Variants in HIVEP3 observed in about 807,000 individuals in gnomAD.
HIVEP3 encodes the protein transcription factor HIVEP3.
In HIVEP3, 49 loss-of-function variants were observed where a neutral mutation model predicts 152.8. The observed-to-expected ratio is 0.32, with a 90% confidence interval of 0.26 to 0.41. The LOEUF (loss-of-function observed/expected upper bound fraction) is 0.41, where lower values mean the gene tolerates loss of function less well. Among genes scored for constraint, HIVEP3 ranks in the 10% least tolerant of loss-of-function variants. The probability of loss-of-function intolerance (pLI) is 1.00; values close to 1 mark genes in which losing one functional copy is unlikely to be tolerated. For synonymous variants in HIVEP3, 1,269 were observed against 1,289.0 expected, an observed-to-expected ratio of 0.98 and a Z score of 0.33; for missense variants, 2,790 against 3,103.3, an observed-to-expected ratio of 0.90 and a Z score of 2.40.
At chr1:41,685,617 C>A (rs1646102616) in intron 2 of HIVEP3, among the ~76,000 whole-genome samples, 1 of 152,242 alleles carries the variant, frequency 6.6e-6, no homozygotes, top group Non-Finnish European at 1.5e-5. Context: ...CTCATGAACC[C>A]AGGTCCCCAC....
At chr1:41,661,628 G>A (rs1014638699) in intron 2 of HIVEP3, among the ~76,000 whole-genome samples, 1 of 152,232 alleles carries the variant, frequency 6.6e-6, no homozygotes, top group African/African-American at 2.4e-5. Flanking sequence ...GCCCCGAGGA[G>A]CCCCAGGCTG....
At chr1:41,527,354 T>C (rs1403577470) in intron 5 of HIVEP3, among the ~76,000 whole-genome samples, 5 of 49,928 alleles carry the variant, frequency 1.0e-4, no homozygotes, top group South Asian at 1.3e-3. Flanking sequence ...CACACTCACC[T>C]TCACACTCCA....
intron 2 of HIVEP3, among the ~76,000 whole-genome samples, chr1:41,660,787 C>T (rs1645700148): frequency 6.6e-6 from 1 of 152,182 alleles, no homozygotes; most frequent in Non-Finnish European, 1.5e-5. Context: ...TTTCATTTGC[C>T]AGTATGGATT....
rs745467295 is a variant in HIVEP3, at chr1:41,581,000, G to C, written c.3798C>G (p.Ala1266=). The change falls in exon 4 of 9, where the codon GCC becomes GCG. Residue 1266 remains alanine, a synonymous_variant. Coordinates refer to ENST00000372583, the MANE Select transcript of HIVEP3 (RefSeq NM_024503.5). ...GGCCAGCACTTCCTGTTGCCAGTGG[G>C]GCCAGGCTGGTTTTGATCTGGGGCA... The part of the protein sequence containing the change: ...SHLPQIKTSL[A]PLATGSAGLS... 5.7e-6 allele frequency: 9 copies of C among 1,570,464 alleles called. No individual in the cohort carries two copies. The highest frequency in any genetic ancestry group is 1.7e-4 in the Middle Eastern group (1 of 5,836).
chr1:41,591,719 A>G (rs1644590922), intron 3 of HIVEP3, among the ~76,000 whole-genome samples: 1 of 152,048 alleles, frequency 6.6e-6, no homozygotes, highest in African/African-American at 2.4e-5. Flanking sequence ...AGTGAGGACC[A>G]TGGCAGAGCG....
At chr1:41,667,601 G>A (rs1304730218) in intron 2 of HIVEP3, among the ~76,000 whole-genome samples, 1 of 152,172 alleles carries the variant, frequency 6.6e-6, no homozygotes, top group Non-Finnish European at 1.5e-5. Flanking sequence ...TCTGCCCATG[G>A]CTTTGTGCCC....
At chr1:41,529,349 A>T (rs1643156256) in intron 5 of HIVEP3, among the ~76,000 whole-genome samples, 1 of 119,516 alleles carries the variant, frequency 8.4e-6, no homozygotes, top group Non-Finnish European at 1.7e-5. Flanking sequence ...ACACATGCTG[A>T]CACCCCCACA....
At chr1:41,570,287 C>A (rs1644233118) in intron 5 of HIVEP3, among the ~76,000 whole-genome samples, 1 of 152,144 alleles carries the variant, frequency 6.6e-6, no homozygotes, top group Admixed American at 6.5e-5. Context: ...TTGTCTGTGT[C>A]CCCACCCAAA....
chr1:41,770,572 T>G (rs1648290247), intron 1 of HIVEP3, among the ~76,000 whole-genome samples: 1 of 152,148 alleles, frequency 6.6e-6, no homozygotes, highest in Admixed American at 6.5e-5. Flanking sequence ...CCCAATATAA[T>G]GCAATGAGAA....
intron 1 of HIVEP3, among the ~76,000 whole-genome samples, chr1:41,825,833 G>A (rs1293976558): frequency 1.3e-5 from 2 of 151,862 alleles, no homozygotes; most frequent in African/African-American, 2.4e-5. Flanking sequence ...GTCTCGAACT[G>A]CTGGGCTCAA....
intron 1 of HIVEP3, among the ~76,000 whole-genome samples, chr1:41,897,556 C>T (rs115662247): frequency 0.022 from 3,404 of 152,188 alleles, 70 homozygotes; most frequent in Middle Eastern, 0.027. Context: ...ACTGCCCAGC[C>T]GCCAGAATAG....
rs527759800 is a variant in HIVEP3 at position 41,953,249 on chromosome 1, G to C, written n.120-34725C>G. ...ACTTGTCACTGTGTGCTGTGATTAT[G>C]AGGGAGGCAGCGGCAGAGCTGTTAA... On this transcript the variant is annotated intron_variant and non_coding_transcript_variant, in intron 1 of 3. Coordinates refer to the HIVEP3 transcript ENST00000489103. Among the ~76,000 whole-genome samples, 39 of 152,316 alleles carry C rather than the reference G, an allele frequency of 2.6e-4. 2 individuals carry two copies. In the South Asian group the frequency reaches 7.9e-3, roughly 31 times the overall value.
At chr1:41,721,917 C>T (rs1468622201) in intron 1 of HIVEP3, among the ~76,000 whole-genome samples, 7 of 152,186 alleles carry the variant, frequency 4.6e-5, no homozygotes, top group African/African-American at 9.7e-5. Context: ...TGAGCGTGAT[C>T]CACTCCATCA....
At chr1:41,924,547 G>T (rs538762310) in intron 1 of HIVEP3, among the ~76,000 whole-genome samples, 6 of 152,150 alleles carry the variant, frequency 3.9e-5, no homozygotes, top group African/African-American at 1.2e-4. Flanking sequence ...AGTTGTTACG[G>T]CCCTACCACT....
chr1:41,868,114 C>G (rs1377247443), intron 1 of HIVEP3, among the ~76,000 whole-genome samples: 1 of 152,156 alleles, frequency 6.6e-6, no homozygotes, highest in Non-Finnish European at 1.5e-5. Context: ...CTGATACTAA[C>G]TCCAGCCACA....
chr1:41,715,492 C>T (rs1185307022), intron 1 of HIVEP3, among the ~76,000 whole-genome samples: 1 of 152,188 alleles, frequency 6.6e-6, no homozygotes, highest in Non-Finnish European at 1.5e-5. Flanking sequence ...AACTGTTTGT[C>T]AGGGCTGTGA....
chr1:41,868,526 T>C (rs1179710738), intron 1 of HIVEP3, among the ~76,000 whole-genome samples: 1 of 152,188 alleles, frequency 6.6e-6, no homozygotes, highest in Non-Finnish European at 1.5e-5. Context: ...TAGTCTCCAA[T>C]TTTTTGTTTA....
intron 2 of HIVEP3, among the ~76,000 whole-genome samples, chr1:41,660,467 G>A (rs544759970): frequency 6.6e-6 from 1 of 152,346 alleles, no homozygotes; most frequent in African/African-American, 2.4e-5. Context: ...TGGATGGGGA[G>A]TCATGTTGCG....
rs765536541 is a variant in HIVEP3, at chr1:41,583,025, C to A, written c.1773G>T (p.Pro591=). 1.9e-6 allele frequency: 3 copies of A among 1,613,922 alleles called. No individual in the cohort carries two copies. The highest frequency in any genetic ancestry group is 1.7e-5 in the Admixed American group (1 of 59,998). The part of the protein sequence containing the change: ...TSHPRMLKRQ[P]AIELPLGGEY... The stretch of plus-strand genomic sequence containing the variant: ...CCCCTCCCAAAGGTAATTCGATTGC[C>A]GGCTGGCGCTTCAGCATCCGGGGGT... Residue 591 remains proline (P), a synonymous_variant, in exon 4 of 9, where the codon CCG becomes CCT. Coordinates refer to ENST00000372583, the MANE Select transcript of HIVEP3 (RefSeq NM_024503.5). The surrounding 1 kb of genome is among the most constrained non-coding windows in gnomAD (Gnocchi z 6.9).
Sources: gnomAD v4.1 joint callset for allele counts (sites outside exome capture counted in the v4.1 genomes callset) on GRCh38, gnomAD v4.1.1 for gene constraint, Gnocchi (gnomAD v3.1) non-coding constraint, MANE v1.5 for transcripts, NCBI Gene and HGNC (gene_info 2026-07-23, HGNC 2026-07-21) for gene names.